Variants in CNN1 observed in about 807,000 individuals in gnomAD.
CNN1 encodes the protein calponin-1.
A neutral mutation model predicts 35.3 loss-of-function variants in CNN1; 21 were observed. The observed-to-expected ratio is 0.60, with a 90% confidence interval of 0.42 to 0.86. The LOEUF (loss-of-function observed/expected upper bound fraction) is 0.86, where lower values mean the gene tolerates loss of function less well. Ranked by LOEUF, CNN1 falls within the 40% of genes least tolerant of loss-of-function variation. The pLI is 0.00. For missense variants in CNN1, 314 were observed against 400.8 expected, an observed-to-expected ratio of 0.78 and a Z score of 1.85; for synonymous variants, 164 against 161.8, an observed-to-expected ratio of 1.01 and a Z score of -0.10.
chr19:11,546,923 C>T lies in CNN1; in HGVS notation c.344C>T (p.Thr115Ile), dbSNP rs1972600293. The change falls in exon 4 of 7, where the codon ACC (threonine) becomes ATC (isoleucine). Residue 115 changes from threonine to isoleucine, a missense_variant. Thr to Ile is a moderately conservative substitution (Grantham distance 89). Coordinates refer to ENST00000252456, the MANE Select transcript of CNN1 (RefSeq NM_001299.6). ...IFEANDLFEN[T>I]NHTQVQSTLL... Reference sequence around the variant, plus strand: ...GAGGCCAACGACCTGTTTGAGAACACCAACCATACACAGGTGCAGTCCACC... The same window carrying T: ...GAGGCCAACGACCTGTTTGAGAACATCAACCATACACAGGTGCAGTCCACC... 2 of 1,614,248 alleles carry T rather than the reference C, an allele frequency of 1.2e-6. No homozygotes were observed. The highest frequency in any genetic ancestry group is 1.1e-5 in the South Asian group (1 of 91,084).
At position 11,547,892 on chromosome 19, in the gene CNN1, C is replaced by T. The variant is rs140946127; in HGVS notation, c.486C>T (p.Asn162=). The T allele has an allele frequency of 7.4e-6, 12 of 1,613,604 alleles. No homozygotes were observed. Among genetic ancestry groups the T allele is most frequent in the African/African-American group, 5.3e-5 (4 of 74,914 alleles). ...FEPGKLREGR[N]IIGLQMGTNK... Reference sequence around the variant, plus strand: ...CGGGGAAGCTAAGAGAAGGGCGGAACATCATTGGGCTGCAGGTACCGCCCT... The same window carrying T: ...CGGGGAAGCTAAGAGAAGGGCGGAATATCATTGGGCTGCAGGTACCGCCCT... The change falls in exon 5 of 7, where the codon AAC becomes AAT. Residue 162 remains asparagine, a synonymous_variant. Coordinates refer to ENST00000252456, the MANE Select transcript of CNN1 (RefSeq NM_001299.6).
chr19:11,540,958 T>C (rs1972448029), intron 1 of CNN1, 118 bp from the exon 2 acceptor site: 6 of 1,161,490 alleles, frequency 5.2e-6, no homozygotes. Context: ...ATTGCCTTAG[T>C]TGGGAAGGAC....
Position 11,550,162 on chromosome 19 carries a change from T to G in CNN1, c.*367T>G. ...CAGGCTCGGCCTGCCCCCACCCCAT[T>G]CCCGCAGTGGGAGCAAACTGCATGC... On this transcript the variant is annotated 3_prime_UTR_variant, in exon 7 of 7. Coordinates refer to ENST00000252456, the MANE Select transcript of CNN1 (RefSeq NM_001299.6). 2 of 217,484 alleles carry G rather than the reference T, an allele frequency of 9.2e-6. No individual in the cohort carries two copies. The highest frequency in any genetic ancestry group is 9.1e-6 in the Non-Finnish European group (1 of 110,436). 13.5% of individuals were successfully genotyped at this position (217,484 alleles called of 1,614,324 possible). A position where few individuals can be genotyped will look rare whatever the true frequency, so the allele number is the denominator to read the frequency against.
At chr19:11,542,304 T>C (rs1972483951) in intron 2 of CNN1, 2 of 152,010 alleles carry the variant, frequency 1.3e-5, no homozygotes, top group African/African-American at 4.8e-5. Flanking sequence ...GTGATTCTTG[T>C]GTCTCAGCCT....
chr19:11,548,994 G>A (rs536861674), intron 5 of CNN1, among the ~76,000 whole-genome samples: 63 of 151,696 alleles, frequency 4.2e-4, no homozygotes, highest in South Asian at 2.3e-3. Context: ...CGAGACCAGC[G>A]TGGCCAACAT....
At chr19:11,539,177 G>A in intron 1 of CNN1, 187 bp downstream of exon 1, 2 of 1,184,304 alleles carry the variant, frequency 1.7e-6, no homozygotes, top group East Asian at 3.1e-5. Context: ...AGCTATGGTT[G>A]GGGCTGGAAT....
chr19:11,548,310 CAGG>C (rs1972637704), intron 5 of CNN1, among the ~76,000 whole-genome samples: 1 of 152,114 alleles, frequency 6.6e-6, no homozygotes, highest in Non-Finnish European at 1.5e-5. Context: ...GAGGCTGAGG[CAGG>C]AGGATTGCTT....
chr19:11,544,195 A>T (rs11880637), intron 2 of CNN1, among the ~76,000 whole-genome samples: 6,868 of 151,942 alleles, frequency 0.045, 191 homozygotes, highest in South Asian at 0.097. Context: ...GGTCAGGTAT[A>T]TGTCTGCGGG....
chr19:11,546,830 A>C lies in CNN1; in HGVS notation c.253-2A>C. On this transcript the variant is annotated splice_acceptor_variant, in intron 3 of 6. Coordinates refer to ENST00000252456, the MANE Select transcript of CNN1 (RefSeq NM_001299.6). LOFTEE classifies it high-confidence loss of function. The stretch of plus-strand genomic sequence containing the variant: ...CAGTGACCACCACCTGCCCCCCTCT[A>C]GCTGGAGAACATCGGCAACTTCATC... 1.2e-6 allele frequency: 2 copies of C among 1,614,122 alleles called. No homozygotes were observed. The highest frequency in any genetic ancestry group is 1.7e-6 in the Non-Finnish European group (2 of 1,180,006).
Position 11,541,105 on chromosome 19 carries a change from G to T in CNN1, c.93G>T (p.Glu31Asp), listed in dbSNP as rs1276665545. ...CCCAGAAGTATGACCACCAGCGGGA[G>T]CAGGAGCTGAGAGAGTGGATCGAGG... is the stretch of plus-strand genomic sequence containing the variant. ...KLAQKYDHQREQELREWIEGV... is the reference protein window; with the variant it reads ...KLAQKYDHQRDQELREWIEGV... Residue 31 changes from glutamate to aspartate, a missense_variant, in exon 2 of 7, where the codon GAG (glutamate) becomes GAT (aspartate). Transcript: ENST00000252456. 6.2e-7 allele frequency: 1 copy of T among 1,611,590 alleles called. No homozygotes were observed. The highest frequency in any genetic ancestry group is 1.7e-5 in the Admixed American group (1 of 59,762).
rs776353869 is a variant in CNN1 at position 11,546,981 on chromosome 19, T to TGCAGGCTGGGCAGGGGGTGGTGG, written c.390+17_390+39dup. The TGCAGGCTGGGCAGGGGGTGGTGG allele has an allele frequency of 6.2e-6, 10 of 1,613,988 alleles. 1 individual carries two copies. In the South Asian group the frequency reaches 1.1e-4, roughly 18 times the overall value. On this transcript the variant is annotated intron_variant, in intron 4 of 6. Coordinates refer to ENST00000252456, the MANE Select transcript of CNN1 (RefSeq NM_001299.6). ...CTTTGGCCAGCATGGTGAGTGTGGT[T>TGCAGGCTGGGCAGGGGGTGGTGG]GCAGGCTGGGCAGGGGGTGGTGGGC...
chr19:11,548,253 C>T (rs1033226584), intron 5 of CNN1, among the ~76,000 whole-genome samples: 1 of 152,164 alleles, frequency 6.6e-6, no homozygotes, highest in African/African-American at 2.4e-5. Flanking sequence ...CGAAAGGATG[C>T]CTCAGGCGGG....
chr19:11,540,197 A>G (rs1199878986), intron 1 of CNN1: 18 of 383,464 alleles, frequency 4.7e-5, no homozygotes, highest in Non-Finnish European at 6.1e-5. Flanking sequence ...GTGGGGGGAG[A>G]GGCAGACAGA....
At chr19:11,547,526 T>C (rs548740898) in intron 4 of CNN1, among the ~76,000 whole-genome samples, 106 of 152,144 alleles carry the variant, frequency 7.0e-4, no homozygotes, top group African/African-American at 2.5e-3. Context: ...CTGGCTAACA[T>C]GGTGAAACCC....
chr19:11,547,759 G>T, intron 4 of CNN1, 38 bp from the exon 5 acceptor site: 1 of 1,544,930 alleles, frequency 6.5e-7, no homozygotes, highest in Non-Finnish European at 8.9e-7. Flanking sequence ...CAGCCTGGAG[G>T]CCCCCTTGTC....
At chr19:11,543,414 C>T (rs1972507683) in intron 2 of CNN1, among the ~76,000 whole-genome samples, 1 of 150,600 alleles carries the variant, frequency 6.6e-6, no homozygotes, top group Non-Finnish European at 1.5e-5. Flanking sequence ...CACATGTATA[C>T]CTATGTATCA....
At chr19:11,546,641 G>A (rs544492348) in intron 2 of CNN1, 34 bp from the exon 3 acceptor site, 16 of 1,613,378 alleles carry the variant, frequency 9.9e-6, no homozygotes, top group African/African-American at 9.3e-5. Flanking sequence ...ACCCTGGGGG[G>A]ACACCTTTCT....
At chr19:11,540,257 A>G (rs1431928330) in intron 1 of CNN1, 1 of 176,328 alleles carries the variant, frequency 5.7e-6, no homozygotes, top group African/African-American at 2.4e-5. Context: ...AGGGCGAGCC[A>G]GGAGCGAGAT....
chr19:11,541,270 A>C, intron 2 of CNN1, 73 bp downstream of exon 2: 1 of 1,459,150 alleles, frequency 6.9e-7, no homozygotes, highest in Non-Finnish European at 9.1e-7. Context: ...CCCCAAAACA[A>C]CCATGATCCT....
Sources: gnomAD v4.1 joint callset for allele counts (sites outside exome capture counted in the v4.1 genomes callset) on GRCh38, gnomAD v4.1.1 for gene constraint, MANE v1.5 for transcripts, NCBI Gene and HGNC (gene_info 2026-07-23, HGNC 2026-07-21) for gene names.